Variants in MYPN observed in about 807,000 individuals in gnomAD.
MYPN encodes the protein sarcomeric protein myopalladin, 145 kDa (MYOP).
Under a neutral mutation model 129.4 loss-of-function variants are expected in MYPN, and 63 were observed. The observed-to-expected ratio is 0.49, with a 90% CI of 0.40 to 0.60. The LOEUF is 0.60. MYPN is among the 20% of genes least tolerant of loss of function. The pLI is 0.00. For missense variants in MYPN, 1,596 were observed against 1,635.4 expected (o/e 0.98, Z 0.42); for synonymous variants, 629 against 600.9 (o/e 1.05, Z -0.68).
chr10:68,106,233 T>C (rs1283261954), upstream of MYPN: 5 of 441,506 alleles, frequency 1.1e-5, no homozygotes, highest in Admixed American at 2.5e-5. Context: ...GGGTGTTCTG[T>C]TTAGTTTTTA....
At chr10:68,152,692 A>G (rs1166868412) in intron 6 of MYPN, among the ~76,000 whole-genome samples, 1 of 152,122 alleles carries the variant, frequency 6.6e-6, no homozygotes, top group Admixed American at 6.6e-5. Flanking sequence ...CTAGAGTGCA[A>G]TGGCATGATC....
chr10:68,139,638 A>G (rs1338202608), intron 2 of MYPN, among the ~76,000 whole-genome samples: 1 of 152,180 alleles, frequency 6.6e-6, no homozygotes, highest in African/African-American at 2.4e-5. Context: ...TGGTAGTTTT[A>G]TGCTTTGGGA....
intron 16 of MYPN, among the ~76,000 whole-genome samples, 169 bp downstream of exon 16, chr10:68,197,647 G>A (rs541763614): frequency 6.6e-6 from 1 of 151,582 alleles, no homozygotes; most frequent in South Asian, 2.1e-4. Flanking sequence ...AGTATTTAAT[G>A]TCAGATGAAA....
chr10:68,123,540 G>T (rs541310138), intron 2 of MYPN, among the ~76,000 whole-genome samples: 1 of 148,546 alleles, frequency 6.7e-6, no homozygotes, highest in Admixed American at 6.7e-5. Context: ...AAAAAAATTA[G>T]CCAAGCATGG....
intron 1 of MYPN, 21 bp downstream of exon 1, chr10:68,109,744 C>T (rs1319776514): frequency 2.2e-6 from 1 of 450,312 alleles, no homozygotes; most frequent in Non-Finnish European, 4.5e-6. Context: ...GATTTAAGTT[C>T]ACAAGTGTGT....
chr10:68,133,460 C>T (rs1185179071), intron 2 of MYPN, among the ~76,000 whole-genome samples: 1 of 151,944 alleles, frequency 6.6e-6, no homozygotes, highest in Non-Finnish European at 1.5e-5. Flanking sequence ...TGTAAATATG[C>T]AATTGGGTAC....
At chr10:68,163,232 T>C (rs2043004961) in intron 8 of MYPN, among the ~76,000 whole-genome samples, 1 of 151,506 alleles carries the variant, frequency 6.6e-6, no homozygotes, top group African/African-American at 2.4e-5. Flanking sequence ...GAGGTGGAGG[T>C]TGCAGTGAGC....
chr10:68,088,666 G>A (rs770919882), intron 1 of MYPN, among the ~76,000 whole-genome samples: 1 of 152,122 alleles, frequency 6.6e-6, no homozygotes, highest in Non-Finnish European at 1.5e-5. Context: ...ACCTTCCAGT[G>A]CTATTAACAC....
chr10:68,191,820 T>C (rs1236851291), intron 13 of MYPN, among the ~76,000 whole-genome samples: 2 of 152,200 alleles, frequency 1.3e-5, no homozygotes, highest in Non-Finnish European at 2.9e-5. Flanking sequence ...TGATTGCTGT[T>C]AGTGTATAGA....
chr10:68,204,276 T>C (rs533476534), intron 18 of MYPN, among the ~76,000 whole-genome samples: 3 of 152,350 alleles, frequency 2.0e-5, no homozygotes, highest in Admixed American at 6.5e-5. Flanking sequence ...GCATATTATG[T>C]AAGATGAAGG....
intron 6 of MYPN, among the ~76,000 whole-genome samples, chr10:68,153,596 T>C (rs1399934847): frequency 1.3e-5 from 2 of 152,134 alleles, no homozygotes; most frequent in Non-Finnish European, 2.9e-5. Flanking sequence ...TTAAGGATTG[T>C]TCAGGCATTG....
chr10:68,197,565 G>GT (rs577061660), intron 16 of MYPN, 87 bp downstream of exon 16: 38,789 of 1,222,598 alleles, frequency 0.032, 67 homozygotes, highest in South Asian at 0.034. Flanking sequence ...TGTTTTGTGG[G>GT]TTTTTTTTTT....
At chr10:68,100,504 G>T (rs1454939987) in intron 1 of MYPN, among the ~76,000 whole-genome samples, 5 of 152,178 alleles carry the variant, frequency 3.3e-5, no homozygotes, top group South Asian at 2.1e-4. Flanking sequence ...GAGGATTAGG[G>T]TCATGAAGCA....
At chr10:68,136,576 G>A (rs1177634875) in intron 2 of MYPN, 1 of 1,487,778 alleles carries the variant, frequency 6.7e-7, no homozygotes, top group Admixed American at 2.3e-5. Context: ...AAGTCAGAGT[G>A]ACGGTTACCG....
At chr10:68,123,062 A>T (rs1034649654) in intron 2 of MYPN, among the ~76,000 whole-genome samples, 2 of 151,974 alleles carry the variant, frequency 1.3e-5, no homozygotes, top group African/African-American at 4.8e-5. Flanking sequence ...TTTGGATGTT[A>T]AATTTTCCTA....
At chr10:68,182,635 T>C (rs1269527973) in intron 12 of MYPN, among the ~76,000 whole-genome samples, 1 of 151,310 alleles carries the variant, frequency 6.6e-6, no homozygotes, top group African/African-American at 2.4e-5. Context: ...GCCTCCTGAG[T>C]ATCTGGGACT....
In MYPN at chr10:68,122,140, G is replaced by A. The variant is rs1589529109; in HGVS notation, c.702G>A (p.Lys234=). The A allele has an allele frequency of 1.9e-6, 3 of 1,613,576 alleles. No homozygotes were observed. The change falls in exon 2 of 20, where the codon AAG becomes AAA. Residue 234 remains lysine, a synonymous_variant. Transcript: ENST00000358913. ...VNHALEQQEA[K]RREAEQAASE... is the part of the protein sequence containing the mutation. ...ACGCCCTGGAACAGCAGGAAGCCAAGAGGCGTGAAGCGGAGCAGGCTGCCA... is the reference window on the plus strand; with the variant it reads ...ACGCCCTGGAACAGCAGGAAGCCAAAAGGCGTGAAGCGGAGCAGGCTGCCA...
intron 1 of MYPN, among the ~76,000 whole-genome samples, chr10:68,097,682 G>A (rs59637588): frequency 0.012 from 1,766 of 151,876 alleles, 28 homozygotes; most frequent in African/African-American, 0.041. Flanking sequence ...AATAAGTGGC[G>A]GAGTTGGAAT....
At chr10:68,144,057 T>C (rs2042622082) in intron 3 of MYPN, among the ~76,000 whole-genome samples, 1 of 152,164 alleles carries the variant, frequency 6.6e-6, no homozygotes. Flanking sequence ...GCCTGGACGA[T>C]CTGACTTAAT....
Sources: gnomAD v4.1 joint callset for allele counts (sites outside exome capture counted in the v4.1 genomes callset) on GRCh38, gnomAD v4.1.1 for gene constraint, MANE v1.5 for transcripts, NCBI Gene and HGNC (gene_info 2026-07-23, HGNC 2026-07-21) for gene names.